The following COL22A1 variants were observed in gnomAD, a reference collection of about 807,000 sequenced individuals.
COL22A1 encodes the protein collagen type XXII alpha 1 chain.
In COL22A1, 221 loss-of-function variants were observed where a neutral mutation model predicts 248.9. The observed-to-expected ratio is 0.89, with a 90% CI of 0.80 to 0.99. The LOEUF is 0.99. Among genes scored for constraint, COL22A1 ranks in the 50% least tolerant of loss-of-function variants. The pLI is 0.00. For synonymous variants in COL22A1, 891 were observed against 793.4 expected (o/e 1.12, Z -2.07); for missense variants, 2,240 against 2,179.0 (o/e 1.03, Z -0.56).
At chr8:138,854,044 C>T (rs780710904) in intron 3 of COL22A1, among the ~76,000 whole-genome samples, 2 of 152,180 alleles carry the variant, frequency 1.3e-5, no homozygotes, top group South Asian at 4.1e-4. Context: ...GATGTGGTAG[C>T]TTGGTAGAGA....
At position 138,858,568 on chromosome 8, in the gene COL22A1, T is replaced by C. The variant is rs1822218310; in HGVS notation, c.659-14410A>G. Among the ~76,000 whole-genome samples, 2 of 151,976 alleles carry C rather than the reference T, an allele frequency of 1.3e-5. 1 individual carries two copies. The highest frequency in any genetic ancestry group is 4.2e-4 in the South Asian group (2 of 4,798). Reference sequence around the variant, plus strand: ...AGCTTTCCCCTGGAGATTCTGACCATGGAACCTGAGGGTGCCAAGCAAAAC... The same window carrying C: ...AGCTTTCCCCTGGAGATTCTGACCACGGAACCTGAGGGTGCCAAGCAAAAC... On this transcript the variant is annotated intron_variant, in intron 3 of 64. Transcript: ENST00000303045.
At chr8:138,906,067 G>A (rs1006572531) in intron 1 of COL22A1, among the ~76,000 whole-genome samples, 24 of 152,092 alleles carry the variant, frequency 1.6e-4, no homozygotes, top group African/African-American at 4.3e-4. Context: ...CACTCTACAA[G>A]TAATATTAAA....
At chr8:138,783,624 G>C (rs1234141097) in intron 12 of COL22A1, among the ~76,000 whole-genome samples, 2 of 152,164 alleles carry the variant, frequency 1.3e-5, no homozygotes, top group African/African-American at 4.8e-5. Flanking sequence ...AACACCCTCA[G>C]ACACACCCAG....
chr8:138,835,988 C>G (rs548676902), intron 4 of COL22A1, among the ~76,000 whole-genome samples: 1 of 152,170 alleles, frequency 6.6e-6, no homozygotes. Flanking sequence ...AATAACCAGT[C>G]AGCCAAGCAC....
chr8:138,638,186 C>A (rs193293911), intron 47 of COL22A1, among the ~76,000 whole-genome samples: 1 of 152,288 alleles, frequency 6.6e-6, no homozygotes, highest in East Asian at 1.9e-4. Context: ...CTATTATCTA[C>A]CTTAGCTCTG....
intron 45 of COL22A1, among the ~76,000 whole-genome samples, chr8:138,653,213 C>T (rs891483301): frequency 1.3e-5 from 2 of 152,188 alleles, no homozygotes; most frequent in East Asian, 1.9e-4. Context: ...TCATTTCATC[C>T]ACCTTCTCAC....
At chr8:138,897,804 A>AC (rs985450232) in intron 1 of COL22A1, among the ~76,000 whole-genome samples, 1 of 152,082 alleles carries the variant, frequency 6.6e-6, no homozygotes, top group Non-Finnish European at 1.5e-5. Context: ...ACAACAGAAA[A>AC]AAAAAAACGG....
At chr8:138,726,273 C>T (rs1830300465) in intron 23 of COL22A1, among the ~76,000 whole-genome samples, 1 of 151,920 alleles carries the variant, frequency 6.6e-6, no homozygotes. Flanking sequence ...AAAAGGATCA[C>T]TACAGGCCAG....
At chr8:138,642,978 G>A (rs1821848467) in intron 47 of COL22A1, among the ~76,000 whole-genome samples, 3 of 150,932 alleles carry the variant, frequency 2.0e-5, no homozygotes, top group South Asian at 2.1e-4. Context: ...GCAGTGAGCC[G>A]AGATTGCACC....
At chr8:138,897,799 A>AG (rs796515886) in intron 1 of COL22A1, among the ~76,000 whole-genome samples, 1 of 150,758 alleles carries the variant, frequency 6.6e-6, no homozygotes, top group African/African-American at 2.4e-5. Context: ...AAACAACAAC[A>AG]GAAAAAAAAA....
chr8:138,899,300 A>C (rs1256009464), intron 1 of COL22A1, among the ~76,000 whole-genome samples: 1 of 152,156 alleles, frequency 6.6e-6, no homozygotes, highest in Non-Finnish European at 1.5e-5. Context: ...ATATTCGCTC[A>C]GGGCCACTTT....
intron 29 of COL22A1, 118 bp from the exon 30 acceptor site, chr8:138,715,853 C>A: frequency 1.3e-6 from 1 of 751,426 alleles, no homozygotes; most frequent in South Asian, 1.7e-5. Flanking sequence ...TTCTCTCTCT[C>A]ACTTGTCCTT....
intron 3 of COL22A1, among the ~76,000 whole-genome samples, chr8:138,864,183 A>C (rs11775756): frequency 0.58 from 87,608 of 151,684 alleles, 26,588 homozygotes; most frequent in South Asian, 0.78. Context: ...TCCCTGCCCA[A>C]ACGGTCTGAA....
chr8:138,622,166 C>T (rs552414811), intron 52 of COL22A1, among the ~76,000 whole-genome samples: 213 of 152,298 alleles, frequency 1.4e-3, no homozygotes, highest in Middle Eastern at 6.8e-3. Flanking sequence ...GCAGTTCTAG[C>T]CTCACCAGGA....
At chr8:138,871,601 A>C (rs1006632386) in intron 3 of COL22A1, among the ~76,000 whole-genome samples, 10 of 152,318 alleles carry the variant, frequency 6.6e-5, no homozygotes, top group Non-Finnish European at 1.3e-4. Context: ...TGTCACCCTT[A>C]AAGTGGGATC....
chr8:138,778,424 C>G lies in COL22A1; in HGVS notation c.1705-18G>C. 6.3e-7 allele frequency: 1 copy of G among 1,576,462 alleles called. No homozygotes were observed. On this transcript the variant is annotated intron_variant, in intron 14 of 64. Transcript: ENST00000303045. ...TGGGGCCCCTGCAGAAGAGCATTTA[C>G]AGAGTAAAGTTTCAGGGATGGAAAA... is the stretch of plus-strand genomic sequence containing the variant.
chr8:138,883,013 C>G, intron 2 of COL22A1, 69 bp downstream of exon 2: 1 of 1,344,120 alleles, frequency 7.4e-7, no homozygotes, highest in South Asian at 1.3e-5. Context: ...ACACCACAGC[C>G]CATGCTCACG....
chr8:138,591,449 G>T lies in COL22A1; in HGVS notation c.4668C>A (p.Gly1556=), dbSNP rs140340314. 6.3e-7 allele frequency: 1 copy of T among 1,580,888 alleles called. No homozygotes were observed. Among genetic ancestry groups the T allele is most frequent in the South Asian group, 1.2e-5 (1 of 85,354 alleles). Residue 1556 remains glycine, a synonymous_variant, in exon 64 of 65, where the codon GGC becomes GGA. Coordinates refer to ENST00000303045, the MANE Select transcript of COL22A1 (RefSeq NM_152888.3). ...DPGAPGVGLR[G]EMGPPGIPGQ... is the part of the protein sequence containing the mutation. The stretch of plus-strand genomic sequence containing the variant: ...CTGGGATTCCAGGGGGTCCCATCTC[G>T]CCTCGGAGGCCAACTCCAGGTGCAC...
intron 52 of COL22A1, among the ~76,000 whole-genome samples, chr8:138,621,088 G>A (rs1045978990): frequency 3.9e-5 from 6 of 152,094 alleles, no homozygotes; most frequent in African/African-American, 1.4e-4. Flanking sequence ...AACTTTGAAT[G>A]AGCAACTCAA....
Sources: gnomAD v4.1 joint callset for allele counts (sites outside exome capture counted in the v4.1 genomes callset) on GRCh38, gnomAD v4.1.1 for gene constraint, MANE v1.5 for transcripts, NCBI Gene and HGNC (gene_info 2026-07-23, HGNC 2026-07-21) for gene names.